The following SPTAN1 variants were observed in gnomAD, a reference collection of about 807,000 sequenced individuals.
SPTAN1 encodes the protein spectrin alpha chain, non-erythrocytic 1.
Under a neutral mutation model 331.3 loss-of-function variants are expected in SPTAN1, and 61 were observed. The ratio of observed to expected loss-of-function variants is 0.18; its 90% confidence interval spans 0.15 to 0.23. SPTAN1 has a LOEUF of 0.23. Among genes scored for constraint, SPTAN1 ranks in the 10% least tolerant of loss-of-function variants. SPTAN1 has a pLI of 1.00. For missense variants in SPTAN1, 2,043 were observed against 3,147.9 expected, an observed-to-expected ratio of 0.65 and a Z score of 8.40; for synonymous variants, 1,153 against 1,173.9, an observed-to-expected ratio of 0.98 and a Z score of 0.36.
intron 31 of SPTAN1, 101 bp from the exon 32 acceptor site, chr9:128,607,503 A>G: frequency 9.5e-7 from 1 of 1,047,386 alleles, no homozygotes; most frequent in Non-Finnish European, 1.5e-6. Context: ...AACCCAAGAT[A>G]ACTTTCTGAG....
chr9:128,562,963 TA>T (rs966803841), intron 1 of SPTAN1, among the ~76,000 whole-genome samples: 2 of 129,230 alleles, frequency 1.5e-5, no homozygotes, highest in East Asian at 2.3e-4. Flanking sequence ...AGACTCCGTC[TA>T]AAAAAAAATA....
intron 54 of SPTAN1, 38 bp downstream of exon 54, chr9:128,632,522 T>A: frequency 6.2e-7 from 1 of 1,613,958 alleles, no homozygotes; most frequent in Non-Finnish European, 8.5e-7. Flanking sequence ...GGGTGGGGGG[T>A]GTTCGGCAGC....
chr9:128,615,866 G>T (rs201363088), intron 41 of SPTAN1, 26 bp downstream of exon 41: 3 of 1,610,380 alleles, frequency 1.9e-6, no homozygotes, highest in East Asian at 2.2e-5. Flanking sequence ...CCTCTAGAAG[G>T]CCCCTTACGC....
At chr9:128,592,356 C>A (rs1049058906) in intron 22 of SPTAN1, among the ~76,000 whole-genome samples, 4 of 151,774 alleles carry the variant, frequency 2.6e-5, no homozygotes, top group Non-Finnish European at 5.9e-5. Flanking sequence ...CTTACTGCAA[C>A]CTCTGCCTCC....
Position 128,580,913 on chromosome 9 carries a change from G to T in SPTAN1, c.1324-9G>T. 1.2e-6 allele frequency: 2 copies of T among 1,612,460 alleles called. No homozygotes were observed. Among genetic ancestry groups the T allele is most frequent in the African/African-American group, 1.3e-5 (1 of 74,998 alleles). On this transcript the variant is annotated splice_polypyrimidine_tract_variant and intron_variant, in intron 10 of 56. Transcript: ENST00000372739. ...TCATCTCCCTGACCATGTCTCCTAT[G>T]CCCCCAAGCTGACCGTCCTTTCCGA...
intron 22 of SPTAN1, among the ~76,000 whole-genome samples, chr9:128,592,469 T>A (rs181507041): frequency 6.6e-6 from 1 of 152,300 alleles, no homozygotes; most frequent in Non-Finnish European, 1.5e-5. Flanking sequence ...GAGATGGGGT[T>A]TCACTGTGTT....
At chr9:128,605,517 C>T in intron 31 of SPTAN1, 40 bp downstream of exon 31, 1 of 1,611,540 alleles carries the variant, frequency 6.2e-7, no homozygotes, top group Non-Finnish European at 8.5e-7. Context: ...GAACATAGAG[C>T]CTTCTTTGTA....
chr9:128,579,630 C>T lies in SPTAN1; in HGVS notation c.1222-7C>T. 1 of 1,612,146 alleles carries T rather than the reference C, an allele frequency of 6.2e-7. No homozygotes were observed. The highest frequency in any genetic ancestry group is 8.5e-7 in the Non-Finnish European group (1 of 1,178,484). On this transcript the variant is annotated splice_region_variant and splice_polypyrimidine_tract_variant and intron_variant, in intron 9 of 56. Transcript: ENST00000372739. ...ACAAATCATGGCTTTGTTTTTTTCT[C>T]CTGTAGGGTGAAATTGATGCCCATG... is the stretch of plus-strand genomic sequence containing the variant.
At chr9:128,619,279 C>T (rs954463129) in intron 44 of SPTAN1, among the ~76,000 whole-genome samples, 9 of 152,164 alleles carry the variant, frequency 5.9e-5, no homozygotes, top group African/African-American at 2.2e-4. Flanking sequence ...TATCAGTTTC[C>T]TGGGGCTGCC....
intron 5 of SPTAN1, 79 bp from the exon 6 acceptor site, chr9:128,576,743 TC>T (rs1851347285): frequency 5.7e-6 from 9 of 1,582,788 alleles, no homozygotes; most frequent in Non-Finnish European, 7.7e-6. Context: ...CTGAGATGCT[TC>T]AAGGAACCAA....
intron 27 of SPTAN1, among the ~76,000 whole-genome samples, chr9:128,603,101 C>A (rs1298605398): frequency 6.6e-6 from 1 of 152,116 alleles, no homozygotes; most frequent in African/African-American, 2.4e-5. Context: ...GAACAGCAAC[C>A]CAGTAACTAT....
At position 128,629,106 on chromosome 9, in the gene SPTAN1, G is replaced by A. The variant is rs937478174; in HGVS notation, c.6707+1164G>A. 2.5e-6 allele frequency: 1 copy of A among 398,688 alleles called. No individual in the cohort carries two copies. The highest frequency in any genetic ancestry group is 2.1e-5 in the African/African-American group (1 of 48,630). The allele number at this position is 398,688 out of a possible 1,614,324, so 24.7% of individuals were successfully genotyped here. On this transcript the variant is annotated intron_variant, in intron 51 of 56. Coordinates refer to ENST00000372739, the MANE Select transcript of SPTAN1 (RefSeq NM_001130438.3). The surrounding 1 kb of genome is among the most constrained non-coding windows in gnomAD (Gnocchi z 4.9). ...CCCCTCCCTTTGGTGTATTCATTTG[G>A]TTTCTTTTCTTTGAATAGCATAGCA...
intron 24 of SPTAN1, among the ~76,000 whole-genome samples, chr9:128,595,497 G>A (rs1854151247): frequency 6.6e-6 from 1 of 152,078 alleles, no homozygotes; most frequent in Non-Finnish European, 1.5e-5. Flanking sequence ...TCTACATGTT[G>A]TTATAAGAAC....
rs368876195 is a variant in SPTAN1 at position 128,579,701 on chromosome 9, C to T, written c.1286C>T (p.Ala429Val). 37 of 1,613,984 alleles carry T rather than the reference C, an allele frequency of 2.3e-5. No individual in the cohort carries two copies. Among genetic ancestry groups the T allele is most frequent in the Non-Finnish European group, 2.9e-5 (34 of 1,180,004 alleles). Residue 429 changes from alanine (A) to valine (V), a missense_variant, in exon 10 of 57, where the codon GCT (alanine) becomes GTT (valine). By Grantham distance (64) the Ala-to-Val change is moderately conservative (BLOSUM62 0). This residue lies in a region of SPTAN1 where 1,038 missense variants were observed against 1,531.5 expected (regional missense o/e 0.68). Transcript: ENST00000372739. ...SADESGQALL[A>V]AGHYASDEVR... ...GATGAATCTGGACAGGCACTGCTTG[C>T]TGCTGGTCACTATGCCTCAGATGAA...
Position 128,633,464 on chromosome 9 carries a change from A to C in SPTAN1, c.*130A>C. 1 of 1,502,934 alleles carries C rather than the reference A, an allele frequency of 6.7e-7. No homozygotes were observed. The highest frequency in any genetic ancestry group is 9.1e-7 in the Non-Finnish European group (1 of 1,094,826). The allele number at this position is 1,502,934 out of a possible 1,614,324, so 93.1% of individuals were successfully genotyped here. On this transcript the variant is annotated 3_prime_UTR_variant, in exon 57 of 57. Transcript: ENST00000372739. Reference sequence around the variant, plus strand: ...TAGCTTGGAATAAGACTTAGGAGAAAATGGTGCTTCACTAACCCGCTTCCG... The same window carrying C: ...TAGCTTGGAATAAGACTTAGGAGAACATGGTGCTTCACTAACCCGCTTCCG...
chr9:128,604,456 G>T, intron 29 of SPTAN1, 39 bp downstream of exon 29: 1 of 1,581,170 alleles, frequency 6.3e-7, no homozygotes, highest in Non-Finnish European at 8.6e-7. Flanking sequence ...GGAGAAACAG[G>T]TGACTGCTGG....
chr9:128,604,426 T>G lies in SPTAN1; in HGVS notation c.3719+9T>G, dbSNP rs1357797798. The G allele has an allele frequency of 6.2e-7, 1 of 1,611,650 alleles. No homozygotes were observed. Among genetic ancestry groups the G allele is most frequent in the East Asian group, 2.2e-5 (1 of 44,788 alleles). ...GTACAGAGGTTCCACAGGTGAGGGG[T>G]CAGCCCTGGGCTGGGAGAGGGAGAA... On this transcript the variant is annotated intron_variant, in intron 29 of 56. Transcript: ENST00000372739.
intron 34 of SPTAN1, among the ~76,000 whole-genome samples, chr9:128,608,551 TG>T (rs1856195434): frequency 6.6e-6 from 1 of 152,202 alleles, no homozygotes; most frequent in African/African-American, 2.4e-5. Flanking sequence ...GATGTAAAAC[TG>T]TTTGATTTAT....
In SPTAN1 at chr9:128,577,381, C is replaced by T; in HGVS notation, c.960C>T (p.Arg320=). The stretch of plus-strand genomic sequence containing the variant: ...AAGCCCTGTGTGCTGAGGCTGACCG[C>T]CTGCAACAGTCCCACCCTCTGAGTG... The part of the protein sequence containing the change: ...KVKALCAEAD[R]LQQSHPLSAT... Residue 320 remains arginine (R), a synonymous_variant, in exon 8 of 57, where the codon CGC becomes CGT. Transcript: ENST00000372739. This position sits in a 1 kb window ranked among gnomAD's most constrained non-coding sequence, Gnocchi z 4.2. 1 of 1,614,210 alleles carries T rather than the reference C, an allele frequency of 6.2e-7. No homozygotes were observed. The highest frequency in any genetic ancestry group is 1.1e-5 in the South Asian group (1 of 91,084).
Sources: gnomAD v4.1 joint callset for allele counts (sites outside exome capture counted in the v4.1 genomes callset) on GRCh38, gnomAD v4.1.1 for gene constraint, gnomAD v4.1.1 regional missense constraint, Gnocchi (gnomAD v3.1) non-coding constraint, MANE v1.5 for transcripts, NCBI Gene and HGNC (gene_info 2026-07-23, HGNC 2026-07-21) for gene names.